SULT4A1: variants seen among roughly 807,000 people sequenced by gnomAD.
The protein encoded by SULT4A1 is sulfotransferase family 4A member 1, also known as sulfotransferase 4A1.
SULT4A1 carries 11 observed loss-of-function variants against 35.2 expected under a neutral mutation model. That is an observed-to-expected ratio of 0.31 (90% CI 0.20 to 0.52). The LOEUF (loss-of-function observed/expected upper bound fraction) is 0.52, where lower values mean the gene tolerates loss of function less well. SULT4A1 is among the 20% of genes least tolerant of loss of function. The probability of loss-of-function intolerance (pLI) is 0.97; values close to 1 mark genes in which losing one functional copy is unlikely to be tolerated. For synonymous variants in SULT4A1, 152 were observed against 151.8 expected, an observed-to-expected ratio of 1.00 and a Z score of -0.01; for missense variants, 271 against 383.7, an observed-to-expected ratio of 0.71 and a Z score of 2.45.
At chr22:43,833,874 G>T in intron 4 of SULT4A1, 140 bp from the exon 5 acceptor site, 1 of 711,740 alleles carries the variant, frequency 1.4e-6, no homozygotes, top group Non-Finnish European at 2.3e-6. Context: ...GACAAGTCTG[G>T]CAAAGGCCCC....
chr22:43,833,061 G>A (rs1369496600), intron 5 of SULT4A1, among the ~76,000 whole-genome samples: 2 of 152,094 alleles, frequency 1.3e-5, no homozygotes, highest in Middle Eastern at 3.4e-3. Context: ...GCACCCCATC[G>A]TCTCTCCTCT....
chr22:43,827,755 C>CTACA, intron 6 of SULT4A1: 1 of 326,794 alleles, frequency 3.1e-6, no homozygotes, highest in Non-Finnish European at 6.1e-6. Flanking sequence ...CGCTGCTTCA[C>CTACA]CACACACACA....
At chr22:43,836,629 C>T (rs2063378583) in intron 4 of SULT4A1, among the ~76,000 whole-genome samples, 6 of 147,012 alleles carry the variant, frequency 4.1e-5, no homozygotes, top group Admixed American at 4.0e-4. Context: ...GCAGGTGCCA[C>T]AGGGATCCTG....
At chr22:43,828,277 A>G (rs1449711901) in intron 6 of SULT4A1, among the ~76,000 whole-genome samples, 1 of 152,236 alleles carries the variant, frequency 6.6e-6, no homozygotes, top group African/African-American at 2.4e-5. Flanking sequence ...GGGGCCTCCT[A>G]TGGCCAAGGC....
intron 1 of SULT4A1, 85 bp from the exon 2 acceptor site, chr22:43,842,017 G>A (rs2063434563): frequency 6.6e-7 from 1 of 1,518,254 alleles, no homozygotes; most frequent in Non-Finnish European, 8.8e-7. Context: ...TGCTGCCCAA[G>A]AAGGGGCTCA....
intron 5 of SULT4A1, 74 bp from the exon 6 acceptor site, chr22:43,829,272 G>C (rs1447683711): frequency 2.1e-6 from 3 of 1,430,120 alleles, no homozygotes; most frequent in Non-Finnish European, 2.8e-6. Flanking sequence ...CCCAGGCTGG[G>C]CACACGCTGA....
At position 43,824,667 on chromosome 22, in the gene SULT4A1, A is replaced by G. The variant is rs894292622; in HGVS notation, c.*1334T>C. The stretch of plus-strand genomic sequence containing the variant: ...ACACAGGCAAGGTGCTGCCGAGCCC[A>G]CCATGCGATGCCACGTGCCACCTGC... On this transcript the variant is annotated 3_prime_UTR_variant, in exon 7 of 7. Transcript: ENST00000330884. 1 of 152,326 alleles carries G rather than the reference A, an allele frequency of 6.6e-6. No individual in the cohort carries two copies. The highest frequency in any genetic ancestry group is 1.5e-5 in the Non-Finnish European group (1 of 68,044). 9.4% of individuals were successfully genotyped at this position (152,326 alleles called of 1,614,324 possible).
intron 2 of SULT4A1, among the ~76,000 whole-genome samples, chr22:43,840,874 G>T (rs2063421591): frequency 6.6e-6 from 1 of 152,212 alleles, no homozygotes; most frequent in African/African-American, 2.4e-5. Flanking sequence ...CGTGCCGTGG[G>T]GTCTTTGCTC....
intron 1 of SULT4A1, among the ~76,000 whole-genome samples, chr22:43,859,488 G>T: frequency 6.6e-6 from 1 of 152,216 alleles, no homozygotes; most frequent in East Asian, 1.9e-4. Context: ...GCCCCCTCGG[G>T]GACGAGCACC....
chr22:43,844,772 C>T (rs1468636360), intron 1 of SULT4A1, among the ~76,000 whole-genome samples: 9 of 152,174 alleles, frequency 5.9e-5, no homozygotes, highest in East Asian at 5.8e-4. Context: ...TTCTGATGGC[C>T]GGGATCACCT....
chr22:43,826,857 GCTCTAGCCCA>G (rs2063290234), intron 6 of SULT4A1: 2 of 985,314 alleles, frequency 2.0e-6, no homozygotes, highest in East Asian at 1.1e-4. Flanking sequence ...GCCCCCAGCT[GCTCTAGCCCA>G]GGCTTAGTCA....
rs115965649 is a variant in SULT4A1 at position 43,855,559 on chromosome 22, A to C, written c.169+6655T>G. Among the ~76,000 whole-genome samples, 349 of 152,258 alleles carry C rather than the reference A, an allele frequency of 2.3e-3. 2 individuals carry two copies. Among genetic ancestry groups the C allele is most frequent in the African/African-American group, 7.8e-3 (326 of 41,554 alleles). On this transcript the variant is annotated intron_variant, in intron 1 of 6. Coordinates refer to ENST00000330884, the MANE Select transcript of SULT4A1 (RefSeq NM_014351.4). Reference sequence around the variant, plus strand: ...TTCCAGAAAATGCCAGCAAGTCTCCAAAGCATGCTTTAGGGAGGCTTCCAC... The same window carrying C: ...TTCCAGAAAATGCCAGCAAGTCTCCCAAGCATGCTTTAGGGAGGCTTCCAC...
At chr22:43,846,985 C>T (rs1446339794) in intron 1 of SULT4A1, among the ~76,000 whole-genome samples, 1 of 152,160 alleles carries the variant, frequency 6.6e-6, no homozygotes, top group Non-Finnish European at 1.5e-5. Flanking sequence ...ACTTCAGTTC[C>T]ACAAGTCCCG....
chr22:43,839,031 TC>T (rs1569503565), intron 3 of SULT4A1, 38 bp from the exon 4 acceptor site: 1 of 1,608,036 alleles, frequency 6.2e-7, no homozygotes, highest in Non-Finnish European at 8.5e-7. Flanking sequence ...CGTGTCTCCT[TC>T]CCTCCCAGGC....
In SULT4A1 at chr22:43,855,817, G is replaced by A. The variant is rs550358920; in HGVS notation, c.169+6397C>T. Among the ~76,000 whole-genome samples the A allele has an allele frequency of 3.0e-4, 46 of 152,226 alleles. 2 individuals carry two copies. The South Asian group carries it at 9.1e-3, about 30-fold the overall frequency. On this transcript the variant is annotated intron_variant, in intron 1 of 6. Transcript: ENST00000330884. ...GCTGCCCCCACACTAACAGGGAGAG[G>A]TCAGATAAAATACAAGATCCTAGTT... is the stretch of plus-strand genomic sequence containing the variant.
At chr22:43,856,870 C>A (rs1042802915) in intron 1 of SULT4A1, among the ~76,000 whole-genome samples, 7 of 152,144 alleles carry the variant, frequency 4.6e-5, no homozygotes, top group Non-Finnish European at 1.0e-4. Flanking sequence ...ATAAATATGG[C>A]TGACCTTAGT....
At chr22:43,857,501 G>T (rs1213036455) in intron 1 of SULT4A1, among the ~76,000 whole-genome samples, 1 of 151,768 alleles carries the variant, frequency 6.6e-6, no homozygotes, top group Admixed American at 6.6e-5. Flanking sequence ...AAGGAAGAAA[G>T]AATGAGGTAA....
intron 6 of SULT4A1, chr22:43,827,587 C>T (rs775475038): frequency 2.9e-6 from 4 of 1,366,222 alleles, no homozygotes; most frequent in East Asian, 4.5e-5. Context: ...GCTGGCTACT[C>T]GGCCCTGCAT....
At chr22:43,859,985 G>C (rs2049447746) in intron 1 of SULT4A1, among the ~76,000 whole-genome samples, 1 of 152,194 alleles carries the variant, frequency 6.6e-6, no homozygotes, top group South Asian at 2.1e-4. Flanking sequence ...AAGCAGCACG[G>C]GGTTGTGGGA....
Sources: allele counts gnomAD v4.1 joint callset (sites outside exome capture counted in the v4.1 genomes callset), GRCh38; gene constraint gnomAD v4.1.1; transcripts MANE v1.5; gene names NCBI Gene and HGNC (gene_info 2026-07-23, HGNC 2026-07-21).